Variants in KCNMA1 observed in about 807,000 individuals in gnomAD.
KCNMA1 encodes Calcium-activated potassium channel subunit alpha-1.
In KCNMA1, 29 loss-of-function variants were observed where a neutral mutation model predicts 140.0. That is an observed-to-expected ratio of 0.21 (90% CI 0.15 to 0.28). The LOEUF (loss-of-function observed/expected upper bound fraction) is 0.28, where lower values mean the gene tolerates loss of function less well. KCNMA1 is among the 10% of genes least tolerant of loss of function. KCNMA1 has a pLI of 1.00. For synonymous variants in KCNMA1, 612 were observed against 611.9 expected (o/e 1.00, Z 0.00); for missense variants, 880 against 1,602.2 (o/e 0.55, Z 7.70).
rs1443662857 is a variant in KCNMA1, at chr10:76,941,091, G to A, written c.2902+3682C>T. On this transcript the variant is annotated intron_variant, in intron 23 of 27. Transcript: ENST00000286628. ...AGAAAAAGAAAGAAAGAAAGAGAAA[G>A]AAAGAAAGAAGGGAGGGAGGGAGGG... Among the ~76,000 whole-genome samples, 4 of 94,840 alleles carry A rather than the reference G, an allele frequency of 4.2e-5. No individual in the cohort carries two copies. The Admixed American group carries it at 4.5e-4, about 11-fold the overall frequency. The allele number at this position is 94,840 out of a possible 152,430, so 62.2% of individuals were successfully genotyped here.
At chr10:77,508,409 T>C (rs892865580) in intron 1 of KCNMA1, among the ~76,000 whole-genome samples, 16 of 148,918 alleles carry the variant, frequency 1.1e-4, no homozygotes, top group Admixed American at 9.4e-4. Flanking sequence ...GGTTTCAAAC[T>C]CCTAGGCTCA....
chr10:76,958,537 A>G (rs2069387095), intron 20 of KCNMA1, among the ~76,000 whole-genome samples: 1 of 152,232 alleles, frequency 6.6e-6, no homozygotes, highest in Non-Finnish European at 1.5e-5. Flanking sequence ...GTACCTCAGA[A>G]TGTGACTGTA....
At chr10:77,598,018 C>A (rs2081429381) in intron 1 of KCNMA1, among the ~76,000 whole-genome samples, 1 of 152,198 alleles carries the variant, frequency 6.6e-6, no homozygotes, top group South Asian at 2.1e-4. Flanking sequence ...GCCACCCAGG[C>A]TGGAGTGCAG....
At chr10:76,931,093 AGTGCTGT>A in intron 23 of KCNMA1, among the ~76,000 whole-genome samples, 1 of 152,258 alleles carries the variant, frequency 6.6e-6, no homozygotes, top group South Asian at 2.1e-4. Flanking sequence ...TATAGTTGAT[AGTGCTGT>A]GTAGTACACT....
At chr10:77,429,505 C>T (rs2097102334) in intron 1 of KCNMA1, among the ~76,000 whole-genome samples, 3 of 152,150 alleles carry the variant, frequency 2.0e-5, no homozygotes, top group African/African-American at 7.2e-5. Flanking sequence ...CCTTACAATT[C>T]CCAAAGTAGA....
At chr10:76,879,539 C>A (rs557687424) in intron 29 of KCNMA1, among the ~76,000 whole-genome samples, 2 of 152,014 alleles carry the variant, frequency 1.3e-5, no homozygotes, top group East Asian at 3.9e-4. Flanking sequence ...ACTCCTACAG[C>A]TTCTTTCTAC....
intron 14 of KCNMA1, among the ~76,000 whole-genome samples, chr10:77,070,782 C>T (rs941809074): frequency 2.6e-5 from 4 of 151,868 alleles, no homozygotes; most frequent in Admixed American, 6.6e-5. Context: ...TTCACCATGA[C>T]CTAAAGGAGA....
intron 2 of KCNMA1, among the ~76,000 whole-genome samples, chr10:77,397,528 T>A (rs1349896922): frequency 1.3e-5 from 2 of 152,224 alleles, no homozygotes; most frequent in South Asian, 4.1e-4. Flanking sequence ...AATAAATTAC[T>A]GTTAACTATA....
At position 76,952,014 on chromosome 10, in the gene KCNMA1, A is replaced by G. The variant is rs534440015; in HGVS notation, c.2484+1787T>C. The G allele has an allele frequency of 6.2e-5, 96 of 1,549,940 alleles. 1 individual carries two copies. The Middle Eastern group carries it at 1.3e-3, about 22-fold the overall frequency. On this transcript the variant is annotated intron_variant, in intron 21 of 27. Coordinates refer to ENST00000286628, the MANE Select transcript of KCNMA1 (RefSeq NM_001161352.2). ...GTTTTGTTAAATGATGTTATTTTTC[A>G]TAGGATAGAAGTAGTAACTCACCTC... is the stretch of plus-strand genomic sequence containing the variant.
chr10:77,151,473 C>A (rs1158980736), intron 5 of KCNMA1, among the ~76,000 whole-genome samples: 1 of 152,038 alleles, frequency 6.6e-6, no homozygotes, highest in Non-Finnish European at 1.5e-5. Flanking sequence ...TGATCTGCCC[C>A]CCCTTGCCCT....
intron 25 of KCNMA1, chr10:76,901,219 G>T (rs1216371959): frequency 6.6e-6 from 1 of 152,108 alleles, no homozygotes; most frequent in Non-Finnish European, 1.5e-5. Context: ...TAGAAGGAAA[G>T]ACACCAAAAT....
intron 1 of KCNMA1, chr10:77,586,291 AG>A (rs1012590935): frequency 1.3e-5 from 2 of 152,196 alleles, no homozygotes; most frequent in Non-Finnish European, 2.9e-5. Context: ...GGGATGATGA[AG>A]GGAAAAACAA....
At chr10:77,318,079 A>C (rs1162578969) in intron 2 of KCNMA1, among the ~76,000 whole-genome samples, 1 of 152,286 alleles carries the variant, frequency 6.6e-6, no homozygotes, top group Non-Finnish European at 1.5e-5. Context: ...TAAGTGTCTC[A>C]TACTATCTCG....
intron 2 of KCNMA1, among the ~76,000 whole-genome samples, chr10:77,356,283 T>A (rs2093472806): frequency 1.3e-5 from 2 of 152,224 alleles, no homozygotes; most frequent in Admixed American, 1.3e-4. Flanking sequence ...AGAGGATTGT[T>A]GTGAAAAATA....
At chr10:77,513,738 T>C (rs957157667) in intron 1 of KCNMA1, among the ~76,000 whole-genome samples, 7 of 152,132 alleles carry the variant, frequency 4.6e-5, no homozygotes, top group Admixed American at 3.9e-4. Flanking sequence ...CACAAACCAC[T>C]CCAATGATCC....
At chr10:77,585,436 G>A (rs939800640) in intron 1 of KCNMA1, among the ~76,000 whole-genome samples, 1 of 152,230 alleles carries the variant, frequency 6.6e-6, no homozygotes, top group African/African-American at 2.4e-5. Flanking sequence ...ACTGGAGTAA[G>A]AGGAGTGAAG....
chr10:77,112,262 G>T, intron 7 of KCNMA1, 105 bp downstream of exon 7: 2 of 828,118 alleles, frequency 2.4e-6, no homozygotes, highest in Non-Finnish European at 2.1e-6. Flanking sequence ...GTCTACAACC[G>T]AGGTGAAGTT....
At chr10:77,126,363 A>T (rs938312021) in intron 5 of KCNMA1, among the ~76,000 whole-genome samples, 7 of 152,260 alleles carry the variant, frequency 4.6e-5, no homozygotes, top group African/African-American at 1.4e-4. Flanking sequence ...AAATGGACTT[A>T]TCTGTGTTTT....
intron 1 of KCNMA1, among the ~76,000 whole-genome samples, chr10:77,566,154 G>C (rs964419240): frequency 6.6e-6 from 1 of 152,180 alleles, no homozygotes; most frequent in Admixed American, 6.5e-5. Context: ...TTAATGCCTA[G>C]AAATTTACCC....
Sources: allele counts gnomAD v4.1 joint callset (sites outside exome capture counted in the v4.1 genomes callset), GRCh38; gene constraint gnomAD v4.1.1; transcripts MANE v1.5; gene names NCBI Gene and HGNC (gene_info 2026-07-23, HGNC 2026-07-21).